The following ST6GALNAC3 variants were observed in gnomAD, a reference collection of about 807,000 sequenced individuals.
ST6GALNAC3 encodes ST6 N-acetylgalactosaminide alpha-2,6-sialyltransferase 3.
ST6GALNAC3 carries 25 observed loss-of-function variants against 32.7 expected under a neutral mutation model. That is an observed-to-expected ratio of 0.76 (90% CI 0.56 to 1.07). ST6GALNAC3 has a LOEUF of 1.07. ST6GALNAC3 is among the 50% of genes least tolerant of loss of function. The probability of loss-of-function intolerance (pLI) is 0.00; values close to 1 mark genes in which losing one functional copy is unlikely to be tolerated. For synonymous variants in ST6GALNAC3, 129 were observed against 133.1 expected, an observed-to-expected ratio of 0.97 and a Z score of 0.21; for missense variants, 355 against 382.4, an observed-to-expected ratio of 0.93 and a Z score of 0.60.
intron 3 of ST6GALNAC3, among the ~76,000 whole-genome samples, chr1:76,495,386 G>A (rs79771181): frequency 0.011 from 1,667 of 152,190 alleles, 25 homozygotes; most frequent in African/African-American, 0.037. Context: ...GGGAAGATAC[G>A]TATGACTGCC....
At chr1:76,404,567 A>C (rs552707668) in intron 2 of ST6GALNAC3, among the ~76,000 whole-genome samples, 73 of 152,208 alleles carry the variant, frequency 4.8e-4, no homozygotes, top group Admixed American at 1.2e-3. Context: ...AATAAAGGCA[A>C]AATCTATTCC....
intron 3 of ST6GALNAC3, among the ~76,000 whole-genome samples, chr1:76,522,140 C>G (rs1247207519): frequency 1.3e-5 from 2 of 149,950 alleles, no homozygotes; most frequent in Non-Finnish European, 3.0e-5. Context: ...ATCATTTCTA[C>G]TGAGAAGTCA....
At chr1:76,581,871 T>C (rs1646896692) in intron 3 of ST6GALNAC3, among the ~76,000 whole-genome samples, 1 of 152,140 alleles carries the variant, frequency 6.6e-6, no homozygotes, top group Non-Finnish European at 1.5e-5. Flanking sequence ...TCTGATGAGA[T>C]CAGACCATCA....
At chr1:76,158,083 T>C (rs1005888568) in intron 1 of ST6GALNAC3, among the ~76,000 whole-genome samples, 1 of 152,208 alleles carries the variant, frequency 6.6e-6, no homozygotes, top group African/African-American at 2.4e-5. Flanking sequence ...CTGATAAATA[T>C]TTTCACTAGG....
chr1:76,557,773 TCCCATTA>T (rs1665013706), intron 3 of ST6GALNAC3, among the ~76,000 whole-genome samples: 1 of 152,132 alleles, frequency 6.6e-6, no homozygotes, highest in Non-Finnish European at 1.5e-5. Flanking sequence ...AGCCTTTGCA[TCCCATTA>T]GGGATGCAAT....
At chr1:76,575,713 G>C (rs1487785216) in intron 3 of ST6GALNAC3, among the ~76,000 whole-genome samples, 1 of 152,060 alleles carries the variant, frequency 6.6e-6, no homozygotes, top group Non-Finnish European at 1.5e-5. Flanking sequence ...ATTTACCAAT[G>C]ATGGTATTTG....
chr1:76,586,867 T>TA (rs1406949617), intron 3 of ST6GALNAC3, among the ~76,000 whole-genome samples: 1 of 152,202 alleles, frequency 6.6e-6, no homozygotes, highest in Non-Finnish European at 1.5e-5. Context: ...TGGATGCTGT[T>TA]AAAAGTGAAT....
intron 3 of ST6GALNAC3, among the ~76,000 whole-genome samples, chr1:76,525,846 T>A (rs2101806237): frequency 7.6e-6 from 1 of 132,098 alleles, no homozygotes; most frequent in African/African-American, 2.6e-5. Flanking sequence ...TTGCAGGGAC[T>A]AAGACAACTC....
chr1:76,519,758 A>G (rs1202477456), intron 3 of ST6GALNAC3, among the ~76,000 whole-genome samples: 2 of 151,760 alleles, frequency 1.3e-5, no homozygotes, highest in African/African-American at 2.4e-5. Flanking sequence ...AGTTTCAACT[A>G]TTCTGCTGAT....
chr1:76,432,443 CTTTTTTTTTTTTTTTTT>C (rs35527607), intron 3 of ST6GALNAC3, among the ~76,000 whole-genome samples: 4 of 57,152 alleles, frequency 7.0e-5, no homozygotes, highest in African/African-American at 2.1e-4. Flanking sequence ...CCTTTATTGC[CTTTTTTTTTTTTTTTTT>C]TTTTTTTTTT....
intron 1 of ST6GALNAC3, among the ~76,000 whole-genome samples, chr1:76,189,474 T>C (rs1279329713): frequency 6.6e-6 from 1 of 152,160 alleles, no homozygotes; most frequent in Non-Finnish European, 1.5e-5. Context: ...GAGTGAACTA[T>C]GGATGTACTC....
At chr1:76,339,533 T>G (rs1020759420) in intron 2 of ST6GALNAC3, among the ~76,000 whole-genome samples, 1 of 152,206 alleles carries the variant, frequency 6.6e-6, no homozygotes, top group Non-Finnish European at 1.5e-5. Context: ...ATGTTAGTGG[T>G]AATTTATTAC....
At chr1:76,107,758 A>G (rs141539346) in intron 1 of ST6GALNAC3, among the ~76,000 whole-genome samples, 23 of 152,244 alleles carry the variant, frequency 1.5e-4, no homozygotes, top group Non-Finnish European at 3.1e-4. Flanking sequence ...GGAAGATGCA[A>G]TGTGGAGAAG....
In ST6GALNAC3 at chr1:76,451,523, C is replaced by T. The variant is rs1657403450; in HGVS notation, c.623+39106C>T. Among the ~76,000 whole-genome samples the T allele has an allele frequency of 2.0e-5, 3 of 152,144 alleles. No individual in the cohort carries two copies. In the South Asian group the frequency reaches 6.2e-4, roughly 31 times the overall value. On this transcript the variant is annotated intron_variant, in intron 3 of 4. Transcript: ENST00000328299. The stretch of plus-strand genomic sequence containing the variant: ...TCAAGATAAGTTTTGGGTGGGGGCA[C>T]ATCCAAATCATATCACCATCCATCA...
intron 3 of ST6GALNAC3, among the ~76,000 whole-genome samples, chr1:76,473,021 G>A (rs1181514186): frequency 1.3e-5 from 2 of 152,156 alleles, no homozygotes; most frequent in Admixed American, 1.3e-4. Flanking sequence ...GATAAATCTT[G>A]GATAGAAGGG....
intron 1 of ST6GALNAC3, among the ~76,000 whole-genome samples, chr1:76,128,254 A>C (rs1182036183): frequency 6.6e-6 from 1 of 152,212 alleles, no homozygotes; most frequent in Non-Finnish European, 1.5e-5. Context: ...AGCACGTGCC[A>C]GTCTCCCATG....
At chr1:76,235,760 A>G (rs1422609820) in intron 1 of ST6GALNAC3, among the ~76,000 whole-genome samples, 1 of 143,604 alleles carries the variant, frequency 7.0e-6, no homozygotes, top group Non-Finnish European at 1.5e-5. Context: ...TCTACAGACT[A>G]GGCATCCGAG....
chr1:76,260,800 T>A (rs1012871005), intron 1 of ST6GALNAC3, among the ~76,000 whole-genome samples: 1 of 152,172 alleles, frequency 6.6e-6, no homozygotes, highest in African/African-American at 2.4e-5. Flanking sequence ...TTATTCCTCT[T>A]AAGCTCACTT....
At chr1:76,360,367 G>T (rs1306171249) in intron 2 of ST6GALNAC3, among the ~76,000 whole-genome samples, 1 of 152,070 alleles carries the variant, frequency 6.6e-6, no homozygotes, top group Non-Finnish European at 1.5e-5. Context: ...GCCTGTGATA[G>T]TCCTCATATG....
Sources: gnomAD v4.1 joint callset for allele counts (sites outside exome capture counted in the v4.1 genomes callset) on GRCh38, gnomAD v4.1.1 for gene constraint, MANE v1.5 for transcripts, NCBI Gene and HGNC (gene_info 2026-07-23, HGNC 2026-07-21) for gene names.